Variants in EFCC1 observed in about 807,000 individuals in gnomAD.
EFCC1 encodes EF-hand and coiled-coil domain-containing protein 1.
EFCC1 carries 50 observed loss-of-function variants against 52.1 expected under a neutral mutation model. The ratio of observed to expected loss-of-function variants is 0.96; its 90% CI spans 0.76 to 1.21. EFCC1 has a LOEUF of 1.21. EFCC1 is among the 50% of genes most tolerant of loss of function. EFCC1 has a pLI of 0.00. For synonymous variants in EFCC1, 399 were observed against 396.5 expected (o/e 1.01, Z -0.08); for missense variants, 837 against 867.3 (o/e 0.97, Z 0.44).
chr3:129,038,072 AAAAAATT>A (rs893598852), intron 6 of EFCC1, among the ~76,000 whole-genome samples: 1 of 152,078 alleles, frequency 6.6e-6, no homozygotes, highest in Non-Finnish European at 1.5e-5. Context: ...TCAAAAAAAA[AAAAAATT>A]AAAATTAAAA....
chr3:129,019,021 C>T (rs1945714192), intron 2 of EFCC1, among the ~76,000 whole-genome samples: 1 of 152,226 alleles, frequency 6.6e-6, no homozygotes, highest in Admixed American at 6.5e-5. Flanking sequence ...CGTGTCCTCC[C>T]CCACACCACC....
At chr3:129,018,904 G>A (rs1348649038) in intron 2 of EFCC1, among the ~76,000 whole-genome samples, 2 of 152,154 alleles carry the variant, frequency 1.3e-5, no homozygotes, top group African/African-American at 2.4e-5. Flanking sequence ...GTTGTTCTGC[G>A]AGTGCATCTT....
rs184984162 is a variant in EFCC1 at position 129,022,856 on chromosome 3, C to T, written c.981-7847C>T. On this transcript the variant is annotated intron_variant, in intron 2 of 7. Coordinates refer to ENST00000683648, the MANE Select transcript of EFCC1 (RefSeq NM_001377500.1). Reference sequence around the variant, plus strand: ...GGCAGGCAGGGGTGAATGTGGGAGTCGCGGGCCGGAAAGCACAGGGCAGGG... The same window carrying T: ...GGCAGGCAGGGGTGAATGTGGGAGTTGCGGGCCGGAAAGCACAGGGCAGGG... 3.0e-4 allele frequency among the ~76,000 whole-genome samples: 46 copies of T among 152,272 alleles called. No homozygotes were observed. In the Middle Eastern group the frequency reaches 0.017, roughly 56 times the overall value.
chr3:129,034,378 A>C, intron 5 of EFCC1, 49 bp downstream of exon 5: 722 of 1,578,306 alleles, frequency 4.6e-4, no homozygotes, highest in Non-Finnish European at 5.7e-4. Flanking sequence ...AGAGGATCTC[A>C]CAGCTGGAAG....
chr3:129,039,592 C>A, intron 7 of EFCC1, 120 bp from the exon 8 acceptor site: 3 of 1,442,452 alleles, frequency 2.1e-6, no homozygotes, highest in Non-Finnish European at 2.8e-6. Context: ...GGAAGCTGGG[C>A]AGGGCTGGGG....
Position 129,030,100 on chromosome 3 carries a change from C to T in EFCC1, c.981-603C>T, listed in dbSNP as rs377552768. ...AATTGTGGGGCTGAAGTGGGAGGATCGCTTGAGCCCGGGAGGTTTGGCTGC... is the reference window on the plus strand; with the variant it reads ...AATTGTGGGGCTGAAGTGGGAGGATTGCTTGAGCCCGGGAGGTTTGGCTGC... On this transcript the variant is annotated intron_variant, in intron 2 of 7. Transcript: ENST00000683648. Among the ~76,000 whole-genome samples the T allele has an allele frequency of 1.7e-4, 26 of 152,076 alleles. 1 individual carries two copies. The South Asian group carries it at 4.8e-3, about 28-fold the overall frequency.
chr3:129,032,815 C>A lies in EFCC1; in HGVS notation c.1139-4C>A, dbSNP rs1368154798. The A allele has an allele frequency of 6.4e-7, 1 of 1,550,710 alleles. No individual in the cohort carries two copies. Among genetic ancestry groups the A allele is most frequent in the South Asian group, 1.2e-5 (1 of 83,994 alleles). Reference sequence around the variant, plus strand: ...CTGCATCCCCACATCCTGTGCTTCCCCAGCAGTGGACGAGCAGCTGTTCCG... The same window carrying A: ...CTGCATCCCCACATCCTGTGCTTCCACAGCAGTGGACGAGCAGCTGTTCCG... On this transcript the variant is annotated splice_polypyrimidine_tract_variant and splice_region_variant and intron_variant, in intron 3 of 7. Transcript: ENST00000683648.
intron 2 of EFCC1, 197 bp from the exon 3 acceptor site, chr3:129,030,506 A>C (rs1576779184): frequency 8.0e-6 from 4 of 501,584 alleles, no homozygotes; most frequent in Non-Finnish European, 1.2e-5. Flanking sequence ...CCATTGGCTA[A>C]AACTGGGTTC....
rs1945467471 is a variant in EFCC1 at position 129,014,270 on chromosome 3, G to A, written c.980+10193G>A. Among the ~76,000 whole-genome samples the A allele has an allele frequency of 1.3e-5, 2 of 152,336 alleles. No homozygotes were observed. Among genetic ancestry groups the A allele is most frequent in the Admixed American group, 1.3e-4 (2 of 15,306 alleles). ...ACCAGTAACTAAGCGGGTGGACGAGGGGAGGGTCAGGGAGTGTGAGTCAGC... is the reference window on the plus strand; with the variant it reads ...ACCAGTAACTAAGCGGGTGGACGAGAGGAGGGTCAGGGAGTGTGAGTCAGC... On this transcript the variant is annotated intron_variant, in intron 2 of 7. Coordinates refer to ENST00000683648, the MANE Select transcript of EFCC1 (RefSeq NM_001377500.1). This position sits in a 1 kb window ranked among gnomAD's most constrained non-coding sequence, Gnocchi z 4.3.
intron 6 of EFCC1, among the ~76,000 whole-genome samples, chr3:129,037,737 G>A (rs1022128567): frequency 5.3e-5 from 8 of 152,092 alleles, no homozygotes; most frequent in African/African-American, 1.9e-4. Flanking sequence ...ATCTCACACT[G>A]ACTGGTGACG....
chr3:129,031,168 G>A (rs1331090937), intron 3 of EFCC1, among the ~76,000 whole-genome samples: 1 of 152,202 alleles, frequency 6.6e-6, no homozygotes, highest in African/African-American at 2.4e-5. Flanking sequence ...GGTAGCTCAC[G>A]CCTGTGATCC....
At chr3:129,032,359 G>C (rs1460805205) in intron 3 of EFCC1, among the ~76,000 whole-genome samples, 1 of 151,932 alleles carries the variant, frequency 6.6e-6, no homozygotes, top group Non-Finnish European at 1.5e-5. Context: ...TTAGAAAACA[G>C]GGAAGAAGCC....
chr3:129,019,852 TC>T (rs1945756062), intron 2 of EFCC1, among the ~76,000 whole-genome samples: 2 of 141,602 alleles, frequency 1.4e-5, no homozygotes, highest in African/African-American at 2.6e-5. Context: ...CACTGCAACC[TC>T]CACCTCCCAG....
At chr3:129,018,847 A>G (rs933874278) in intron 2 of EFCC1, among the ~76,000 whole-genome samples, 3 of 152,086 alleles carry the variant, frequency 2.0e-5, no homozygotes, top group African/African-American at 7.2e-5. Context: ...CACATGTCTC[A>G]CTGTGCCTCT....
At chr3:129,039,564 A>AG in intron 7 of EFCC1, 148 bp from the exon 8 acceptor site, 2 of 1,210,814 alleles carry the variant, frequency 1.7e-6, no homozygotes, top group Non-Finnish European at 2.3e-6. Flanking sequence ...CCTCAGGGGG[A>AG]GGTGGTCCAC....
Position 129,001,898 on chromosome 3 carries a change from G to C in EFCC1, c.270G>C (p.Ala90=), listed in dbSNP as rs1219566745. Residue 90 remains alanine, a synonymous_variant, in exon 1 of 8, where the codon GCG becomes GCC. Coordinates refer to ENST00000683648, the MANE Select transcript of EFCC1 (RefSeq NM_001377500.1). The part of the protein sequence containing the change: ...RALCAVLGLR[A]EGATTAGQAA... The stretch of plus-strand genomic sequence containing the variant: ...TCTGCGCTGTGCTGGGGCTGCGCGC[G>C]GAGGGGGCCACCACGGCCGGGCAGG... The C allele has an allele frequency of 1.3e-6, 2 of 1,538,176 alleles. No individual in the cohort carries two copies. The highest frequency in any genetic ancestry group is 2.5e-5 in the East Asian group (1 of 40,048).
chr3:129,001,561 C>T lies in EFCC1; in HGVS notation c.-68C>T, dbSNP rs934857536. The T allele has an allele frequency of 7.4e-7, 1 of 1,347,938 alleles. No homozygotes were observed. The highest frequency in any genetic ancestry group is 1.5e-5 in the African/African-American group (1 of 64,902). 83.5% of individuals were successfully genotyped at this position (1,347,938 alleles called of 1,614,324 possible). A position where few individuals can be genotyped will look rare whatever the true frequency, so the allele number is the denominator to read the frequency against. On this transcript the variant is annotated 5_prime_UTR_variant, in exon 1 of 8. Coordinates refer to ENST00000683648, the MANE Select transcript of EFCC1 (RefSeq NM_001377500.1). ...CCCTCCTTTCGAGAAACTCTGGGGCCGCCCCTGGAAGTGGCGGGGCGAAGG... is the reference window on the plus strand; with the variant it reads ...CCCTCCTTTCGAGAAACTCTGGGGCTGCCCCTGGAAGTGGCGGGGCGAAGG...
chr3:129,034,640 T>C (rs1388643330), intron 5 of EFCC1, among the ~76,000 whole-genome samples: 1 of 152,168 alleles, frequency 6.6e-6, no homozygotes, highest in Non-Finnish European at 1.5e-5. Flanking sequence ...CTGCTGTGTT[T>C]TTCTGTAGGA....
At chr3:129,002,493 C>A in intron 1 of EFCC1, 169 bp downstream of exon 1, 1 of 1,287,464 alleles carries the variant, frequency 7.8e-7, no homozygotes, top group Non-Finnish European at 1.0e-6. Flanking sequence ...CCTGTTCCTC[C>A]CCATTCCACT....
Sources: allele counts gnomAD v4.1 joint callset (sites outside exome capture counted in the v4.1 genomes callset), GRCh38; gene constraint gnomAD v4.1.1; non-coding constraint Gnocchi (gnomAD v3.1); transcripts MANE v1.5; gene names NCBI Gene and HGNC (gene_info 2026-07-23, HGNC 2026-07-21).